MYH11: variants seen among roughly 807,000 people sequenced by gnomAD.
MYH11 encodes the protein myosin heavy chain 11.
A neutral mutation model predicts 246.6 loss-of-function variants in MYH11; 80 were observed. That is an observed-to-expected ratio of 0.32 (90% CI 0.27 to 0.39). The LOEUF is 0.39. Ranked by LOEUF, MYH11 falls within the 10% of genes least tolerant of loss-of-function variation. MYH11 has a pLI of 1.00. For missense variants in MYH11, 2,158 were observed against 2,546.8 expected (o/e 0.85, Z 3.29); for synonymous variants, 1,071 against 1,015.5 (o/e 1.05, Z -1.04).
intron 4 of MYH11, among the ~76,000 whole-genome samples, chr16:15,789,597 GA>G (rs1422897237): frequency 2.6e-5 from 4 of 152,106 alleles, no homozygotes; most frequent in Non-Finnish European, 5.9e-5. Context: ...AAGACAGAGT[GA>G]AGTCCCAGCC....
intron 40 of MYH11, among the ~76,000 whole-genome samples, chr16:15,708,477 C>T (rs881803): frequency 0.58 from 88,635 of 151,938 alleles, 26,992 homozygotes; most frequent in Middle Eastern, 0.75. Flanking sequence ...TGGCTTTTGG[C>T]ATGAAAGGAA....
chr16:15,710,197 A>C (rs1438314332), intron 40 of MYH11, among the ~76,000 whole-genome samples: 1 of 152,154 alleles, frequency 6.6e-6, no homozygotes, highest in Non-Finnish European at 1.5e-5. Context: ...TCTGGGGCAG[A>C]ACCCACAGGA....
In MYH11 at chr16:15,703,585, T is replaced by C; in HGVS notation, c.*406A>G. ...ATTTTTACCTTGAATACAGGGGTAG[T>C]AGGGGTGGTGGTGGTGGTGGTGGTT... On this transcript the variant is annotated 3_prime_UTR_variant, in exon 41 of 41. Coordinates refer to ENST00000300036, the MANE Select transcript of MYH11 (RefSeq NM_002474.3). 3 of 374,824 alleles carry C rather than the reference T, an allele frequency of 8.0e-6. No individual in the cohort carries two copies. Among genetic ancestry groups the C allele is most frequent in the Non-Finnish European group, 1.5e-5 (3 of 199,548 alleles). 23.2% of individuals were successfully genotyped at this position (374,824 alleles called of 1,614,324 possible).
At chr16:15,810,892 G>GTA (rs1262806238) in intron 3 of MYH11, among the ~76,000 whole-genome samples, 1 of 152,166 alleles carries the variant, frequency 6.6e-6, no homozygotes, top group Non-Finnish European at 1.5e-5. Flanking sequence ...CTAGGGAAGA[G>GTA]GTTATAGACA....
chr16:15,852,770 G>A (rs2044363288), intron 1 of MYH11, among the ~76,000 whole-genome samples: 1 of 152,158 alleles, frequency 6.6e-6, no homozygotes, highest in Non-Finnish European at 1.5e-5. Context: ...GTCCAAGGAT[G>A]AAAGAGTGGC....
At chr16:15,754,009 C>A in intron 14 of MYH11, among the ~76,000 whole-genome samples, 1 of 149,742 alleles carries the variant, frequency 6.7e-6, no homozygotes, top group South Asian at 2.1e-4. Context: ...CGTTCAAGAC[C>A]AACCTGACCA....
At chr16:15,747,050 T>G (rs985969721) in intron 19 of MYH11, among the ~76,000 whole-genome samples, 1 of 151,362 alleles carries the variant, frequency 6.6e-6, no homozygotes, top group African/African-American at 2.4e-5. Context: ...ACTGCGCCAC[T>G]GCACTCCAGC....
intron 3 of MYH11, among the ~76,000 whole-genome samples, chr16:15,821,743 C>G (rs1047745285): frequency 6.8e-6 from 1 of 146,188 alleles, no homozygotes; most frequent in Non-Finnish European, 1.5e-5. Flanking sequence ...AAGGTGAAAC[C>G]CCGTCTCTAC....
intron 31 of MYH11, 116 bp downstream of exon 31, chr16:15,724,045 C>T: frequency 5.9e-6 from 9 of 1,531,600 alleles, no homozygotes; most frequent in Non-Finnish European, 8.0e-6. Context: ...CCCATGGCTC[C>T]CCACAGAGTG....
intron 3 of MYH11, 58 bp downstream of exon 3, chr16:15,823,197 C>A: frequency 6.2e-7 from 1 of 1,610,186 alleles, no homozygotes; most frequent in Non-Finnish European, 8.5e-7. Context: ...GAACTGCAGA[C>A]AAGCAGGACA....
chr16:15,807,112 C>A (rs948978536), intron 3 of MYH11, among the ~76,000 whole-genome samples: 3 of 152,150 alleles, frequency 2.0e-5, no homozygotes, highest in Non-Finnish European at 4.4e-5. Context: ...CAGGTGCATG[C>A]CACTACGCCT....
chr16:15,758,189 A>G (rs2041781122), intron 12 of MYH11, among the ~76,000 whole-genome samples, 189 bp from the exon 13 acceptor site: 1 of 152,114 alleles, frequency 6.6e-6, no homozygotes, highest in Non-Finnish European at 1.5e-5. Context: ...GGTGAAGTTG[A>G]TATCACATGG....
chr16:15,778,789 T>A lies in MYH11; in HGVS notation c.781A>T (p.Ile261Phe). The change falls in exon 7 of 41, where the codon ATT becomes TTT. Residue 261 changes from isoleucine (I) to phenylalanine (F), a missense_variant. This residue lies in a region of MYH11 where 123 missense variants were observed against 207.1 expected (regional missense o/e 0.59). Coordinates refer to ENST00000300036, the MANE Select transcript of MYH11 (RefSeq NM_002474.3). ...CTCAGGGAAAGGATACAGGTCTCAA[T>A]GTTGGCTCCCACGATGTAACCCGTG... ...DVTGYIVGAN[I>F]ETYLLEKSRA... 6.2e-7 allele frequency: 1 copy of A among 1,614,098 alleles called. No individual in the cohort carries two copies. The highest frequency in any genetic ancestry group is 8.5e-7 in the Non-Finnish European group (1 of 1,180,018).
rs1555569336 is a variant in MYH11, at chr16:15,788,077, CTT to C, written c.531-1347_531-1346del. 6.5e-4 allele frequency among the ~76,000 whole-genome samples: 36 copies of C among 55,336 alleles called. 2 individuals are homozygous for C. Among genetic ancestry groups the C allele is most frequent in the Non-Finnish European group, 7.3e-4 (20 of 27,336 alleles). The allele number at this position is 55,336 out of a possible 152,430, so 36.3% of individuals were successfully genotyped here. A position where few individuals can be genotyped will look rare whatever the true frequency, so the allele number is the denominator to read the frequency against. On this transcript the variant is annotated intron_variant, in intron 4 of 40. Transcript: ENST00000300036. ...GTCCTCCTGGAATATGAAGGTAGAT[CTT>C]TTTTTTTTTTTTTTTTACCAAGATG...
At chr16:15,813,403 A>T (rs1010888811) in intron 3 of MYH11, among the ~76,000 whole-genome samples, 1 of 151,440 alleles carries the variant, frequency 6.6e-6, no homozygotes, top group Non-Finnish European at 1.5e-5. Flanking sequence ...TTATAATTTA[A>T]TTTTTTTTTA....
At chr16:15,832,744 A>T (rs954736703) in intron 2 of MYH11, among the ~76,000 whole-genome samples, 1 of 152,024 alleles carries the variant, frequency 6.6e-6, no homozygotes, top group Non-Finnish European at 1.5e-5. Flanking sequence ...CTCAAAGCTA[A>T]CAAGGCCTCT....
intron 7 of MYH11, 137 bp from the exon 8 acceptor site, chr16:15,776,313 C>T (rs1184825983): frequency 4.3e-6 from 3 of 702,818 alleles, no homozygotes; most frequent in Non-Finnish European, 7.7e-6. Context: ...CTAACTTTGA[C>T]CATTGCCCCT....
chr16:15,824,985 G>A (rs1225346085), intron 2 of MYH11, among the ~76,000 whole-genome samples: 2 of 152,106 alleles, frequency 1.3e-5, no homozygotes, highest in African/African-American at 4.8e-5. Context: ...ACCCCACAGC[G>A]CCTGCTCCTG....
intron 36 of MYH11, 53 bp downstream of exon 36, chr16:15,719,167 C>A: frequency 6.5e-7 from 1 of 1,532,680 alleles, no homozygotes; most frequent in Non-Finnish European, 9.0e-7. Context: ...GAGGATGCTG[C>A]CTGTCCCCCC....
Sources: gnomAD v4.1 joint callset for allele counts (sites outside exome capture counted in the v4.1 genomes callset) on GRCh38, gnomAD v4.1.1 for gene constraint, gnomAD v4.1.1 regional missense constraint, MANE v1.5 for transcripts, NCBI Gene and HGNC (gene_info 2026-07-23, HGNC 2026-07-21) for gene names.